ITGAM: variants seen among roughly 807,000 people sequenced by gnomAD.
ITGAM encodes integrin alpha-M.
ITGAM carries 79 observed loss-of-function variants against 137.5 expected under a neutral mutation model. The observed-to-expected ratio is 0.57, with a 90% CI of 0.48 to 0.69. ITGAM has a LOEUF of 0.69. Among genes scored for constraint, ITGAM ranks in the 30% least tolerant of loss-of-function variants. ITGAM has a pLI of 0.00. For synonymous variants in ITGAM, 583 were observed against 592.3 expected (o/e 0.98, Z 0.23); for missense variants, 1,343 against 1,483.5 (o/e 0.91, Z 1.56).
At chr16:31,264,095 C>A (rs2079737012) in intron 2 of ITGAM, among the ~76,000 whole-genome samples, 1 of 152,008 alleles carries the variant, frequency 6.6e-6, no homozygotes, top group African/African-American at 2.4e-5. Context: ...CTCGGCCTCC[C>A]AAAGTGCAGG....
chr16:31,281,199 T>A (rs543641264), intron 12 of ITGAM, among the ~76,000 whole-genome samples: 1 of 152,082 alleles, frequency 6.6e-6, no homozygotes, highest in Non-Finnish European at 1.5e-5. Context: ...TTGTGTCTCT[T>A]CCAGGCTTTG....
intron 2 of ITGAM, among the ~76,000 whole-genome samples, chr16:31,262,577 AT>A (rs546125362): frequency 6.6e-6 from 1 of 151,238 alleles, no homozygotes; most frequent in Non-Finnish European, 1.5e-5. Flanking sequence ...TAATTTTTTG[AT>A]TTTTTTTGTA....
At chr16:31,309,134 T>C (rs1212293625) in intron 14 of ITGAM, among the ~76,000 whole-genome samples, 1 of 33,050 alleles carries the variant, frequency 3.0e-5, no homozygotes, top group Admixed American at 3.8e-4. Flanking sequence ...TTCTGTTGAT[T>C]TGGGGTGGAG....
chr16:31,323,590 A>G (rs2080473142), intron 16 of ITGAM, among the ~76,000 whole-genome samples: 1 of 152,248 alleles, frequency 6.6e-6, no homozygotes, highest in Non-Finnish European at 1.5e-5. Flanking sequence ...GAAAAATACA[A>G]TAAATTTTTT....
intron 23 of ITGAM, 155 bp from the exon 24 acceptor site, chr16:31,329,073 T>TTCCCCCTCCCCCCCCCCCCCCCC: frequency 9.4e-6 from 4 of 426,236 alleles, no homozygotes; most frequent in Non-Finnish European, 8.9e-6. Flanking sequence ...ACACATTGGT[T>TTCCCCCTCCCCCCCCCCCCCCCC]CCCCCATCCC....
chr16:31,290,567 G>T (rs1179537924), intron 12 of ITGAM, among the ~76,000 whole-genome samples: 1 of 152,042 alleles, frequency 6.6e-6, no homozygotes, highest in Admixed American at 6.6e-5. Context: ...AGCCGACTAG[G>T]AACTAAAGGG....
intron 12 of ITGAM, among the ~76,000 whole-genome samples, chr16:31,285,232 G>A (rs1415678711): frequency 1.3e-5 from 2 of 152,116 alleles, no homozygotes; most frequent in Non-Finnish European, 2.9e-5. Context: ...AACATAACTG[G>A]TTAGGTCATG....
chr16:31,291,395 T>G (rs2080085480), intron 12 of ITGAM, among the ~76,000 whole-genome samples: 1 of 152,152 alleles, frequency 6.6e-6, no homozygotes, highest in Non-Finnish European at 1.5e-5. Flanking sequence ...CCATTTTTAG[T>G]TTTCTTGAGG....
rs369202546 is a variant in ITGAM at position 31,321,254 on chromosome 16, C to T, written c.1721C>T (p.Ser574Phe). The change falls in exon 15 of 30, where the codon TCC (serine) becomes TTC (phenylalanine). Residue 574 changes from serine (S) to phenylalanine (F), a missense_variant. Transcript: ENST00000544665. ...TTTTACCCTCAGCGGATAGCAGGCT[C>T]CAAGCTCTCTCCCAGGCTCCAGTAT... Reference protein sequence around the residue: ...SPSHSQRIAGSKLSPRLQYFG... With the variant: ...SPSHSQRIAGFKLSPRLQYFG... The T allele has an allele frequency of 1.5e-5, 25 of 1,613,836 alleles. No homozygotes were observed. The highest frequency in any genetic ancestry group is 2.1e-5 in the Non-Finnish European group (25 of 1,179,886).
chr16:31,331,926 C>T lies in ITGAM; in HGVS notation c.*219C>T, dbSNP rs1389563669. ...GCGTGTGCGTGCATGTGCACTTGCA[C>T]GCCCATGTGTGAGTGTGTGCAAGTA... On this transcript the variant is annotated 3_prime_UTR_variant, in exon 30 of 30. Transcript: ENST00000544665. 5 of 558,324 alleles carry T rather than the reference C, an allele frequency of 9.0e-6. No individual in the cohort carries two copies. The highest frequency in any genetic ancestry group is 4.7e-4 in the Middle Eastern group (1 of 2,106). The allele number at this position is 558,324 out of a possible 1,614,324, so 34.6% of individuals were successfully genotyped here.
chr16:31,270,143 C>CTTTCCTTTCCTTTCCTTTCCTTTCA (rs2079814841), intron 5 of ITGAM, among the ~76,000 whole-genome samples: 1 of 59,068 alleles, frequency 1.7e-5, no homozygotes, highest in Non-Finnish European at 3.6e-5. Context: ...CTTTGCTTTC[C>CTTTCCTTTCCTTTCCTTTCCTTTCA]TTTCCTTTCC....
intron 23 of ITGAM, 176 bp from the exon 24 acceptor site, chr16:31,329,050 CTG>C (rs1213856599): frequency 3.5e-5 from 20 of 578,760 alleles, no homozygotes; most frequent in East Asian, 1.4e-4. Context: ...TGGGCACGCA[CTG>C]TGTGTCCAGC....
intron 14 of ITGAM, among the ~76,000 whole-genome samples, chr16:31,298,244 G>A (rs2080159060): frequency 6.6e-6 from 1 of 151,410 alleles, no homozygotes; most frequent in Non-Finnish European, 1.5e-5. Context: ...CAGGTGTGGT[G>A]GCATACACCC....
In ITGAM at chr16:31,297,504, T is replaced by A. The variant is rs537690457; in HGVS notation, c.1357-10T>A. 5.6e-6 allele frequency: 9 copies of A among 1,611,956 alleles called. No homozygotes were observed. The South Asian group carries it at 8.8e-5, about 16-fold the overall frequency. On this transcript the variant is annotated splice_polypyrimidine_tract_variant and intron_variant, in intron 12 of 29. Coordinates refer to ENST00000544665, the MANE Select transcript of ITGAM (RefSeq NM_000632.4). ...GAAGAGGTGTGTGATTACGGTCCTG[T>A]CTCTTTCAGATCGGCGCCTACTTCG...
At chr16:31,269,211 G>A (rs1262949346) in intron 5 of ITGAM, among the ~76,000 whole-genome samples, 1 of 152,098 alleles carries the variant, frequency 6.6e-6, no homozygotes, top group African/African-American at 2.4e-5. Flanking sequence ...TTATTGATCT[G>A]GGCAGTGCCA....
intron 12 of ITGAM, among the ~76,000 whole-genome samples, chr16:31,279,802 A>T (rs1458722574): frequency 3.9e-5 from 6 of 152,128 alleles, no homozygotes; most frequent in African/African-American, 1.4e-4. Flanking sequence ...TTTAGTCATG[A>T]AGTCCCTGAC....
intron 14 of ITGAM, among the ~76,000 whole-genome samples, chr16:31,309,976 T>C (rs2080307612): frequency 1.3e-5 from 2 of 151,894 alleles, no homozygotes; most frequent in South Asian, 4.2e-4. Context: ...TGTTGAATAT[T>C]GGCCCCCACT....
chr16:31,268,710 G>C (rs765830426), intron 5 of ITGAM, among the ~76,000 whole-genome samples: 6 of 152,182 alleles, frequency 3.9e-5, no homozygotes, highest in Non-Finnish European at 8.8e-5. Context: ...GAGTAGAAAG[G>C]CCCTTGCCCG....
At chr16:31,274,478 C>G (rs574502220) in intron 8 of ITGAM, among the ~76,000 whole-genome samples, 439 of 152,298 alleles carry the variant, frequency 2.9e-3, no homozygotes, top group African/African-American at 0.01. Flanking sequence ...GTTCCAACAG[C>G]TGCTTTGAGC....
Sources: allele counts gnomAD v4.1 joint callset (sites outside exome capture counted in the v4.1 genomes callset), GRCh38; gene constraint gnomAD v4.1.1; transcripts MANE v1.5; gene names NCBI Gene and HGNC (gene_info 2026-07-23, HGNC 2026-07-21).